The following SGPP2 variants were observed in gnomAD, a reference collection of about 807,000 sequenced individuals.
SGPP2 encodes the protein sphingosine-1-phosphate phosphatase 2, also known as sphingosine 1-phosphate phosphohydrolase 2.
In SGPP2, 30 loss-of-function variants were observed where a neutral mutation model predicts 33.9. The observed-to-expected ratio is 0.89, with a 90% CI of 0.66 to 1.20. The LOEUF (loss-of-function observed/expected upper bound fraction) is 1.20, where lower values mean the gene tolerates loss of function less well. Among genes scored for constraint, SGPP2 ranks in the 50% most tolerant of loss-of-function variants. The pLI is 0.00. For synonymous variants in SGPP2, 233 were observed against 225.0 expected, an observed-to-expected ratio of 1.04 and a Z score of -0.32; for missense variants, 458 against 532.1, an observed-to-expected ratio of 0.86 and a Z score of 1.37.
intron 4 of SGPP2, among the ~76,000 whole-genome samples, chr2:222,557,032 C>T (rs367578274): frequency 1.3e-5 from 2 of 152,034 alleles, no homozygotes; most frequent in African/African-American, 4.8e-5. Context: ...ATGTTGCTAC[C>T]CAGTGAGAGC....
intron 2 of SGPP2, among the ~76,000 whole-genome samples, chr2:222,510,578 T>C (rs997761224): frequency 2.6e-5 from 4 of 152,198 alleles, no homozygotes; most frequent in Non-Finnish European, 1.5e-5. Context: ...TGGAGGGGGC[T>C]ATGAGTGTAG....
At chr2:222,483,719 A>C (rs1037282722) in intron 2 of SGPP2, among the ~76,000 whole-genome samples, 1 of 152,196 alleles carries the variant, frequency 6.6e-6, no homozygotes, top group Non-Finnish European at 1.5e-5. Flanking sequence ...TAAAGACAAG[A>C]GGGAAAAAGC....
rs758281222 is a variant in SGPP2 at position 222,558,510 on chromosome 2, G to C, written c.812G>C (p.Ser271Thr). The C allele has an allele frequency of 9.3e-6, 15 of 1,614,058 alleles. No individual in the cohort carries two copies. ...AATTACCCTGTTTCTGATTACTACAGCCCAACCCGGGCGGACACCACCACC... is the reference window on the plus strand; with the variant it reads ...AATTACCCTGTTTCTGATTACTACACCCCAACCCGGGCGGACACCACCACC... ...CYNYPVSDYY[S>T]PTRADTTTIL... is the part of the protein sequence containing the mutation. Residue 271 changes from serine (S) to threonine (T), a missense_variant, in exon 5 of 5, where the codon AGC becomes ACC. By Grantham distance (58) the Ser-to-Thr change is moderately conservative. Transcript: ENST00000321276.
intron 4 of SGPP2, among the ~76,000 whole-genome samples, chr2:222,540,651 G>A (rs1698978651): frequency 6.6e-6 from 1 of 152,100 alleles, no homozygotes; most frequent in African/African-American, 2.4e-5. Context: ...TCTGTCATCT[G>A]TCAATAAATC....
chr2:222,503,518 T>C (rs1030986878), intron 2 of SGPP2, among the ~76,000 whole-genome samples: 3 of 152,216 alleles, frequency 2.0e-5, no homozygotes, highest in Admixed American at 1.3e-4. Flanking sequence ...AAGTCCCTGG[T>C]AATAATTGCT....
chr2:222,425,851 TGG>T (rs1174391568), intron 1 of SGPP2, among the ~76,000 whole-genome samples: 1 of 152,194 alleles, frequency 6.6e-6, no homozygotes, highest in African/African-American at 2.4e-5. Flanking sequence ...GGCTTCTGTG[TGG>T]AATGGAATAT....
intron 4 of SGPP2, among the ~76,000 whole-genome samples, chr2:222,537,894 T>G (rs1303272379): frequency 6.6e-6 from 1 of 152,228 alleles, no homozygotes; most frequent in Non-Finnish European, 1.5e-5. Flanking sequence ...TGTAGCAGCT[T>G]TATTCCTAAT....
chr2:222,479,288 A>G (rs1697993592), intron 2 of SGPP2, among the ~76,000 whole-genome samples: 1 of 150,596 alleles, frequency 6.6e-6, no homozygotes, highest in African/African-American at 2.5e-5. Context: ...TATTACAATG[A>G]TTTGCCCAAA....
chr2:222,542,657 T>C (rs895449178), intron 4 of SGPP2, among the ~76,000 whole-genome samples: 8 of 152,226 alleles, frequency 5.3e-5, no homozygotes, highest in African/African-American at 1.7e-4. Flanking sequence ...GACATTTAGC[T>C]TCATTTTGTA....
chr2:222,455,457 G>A lies in SGPP2; in HGVS notation c.220-19111G>A, dbSNP rs114839886. ...GCTCGAGTAAGAGGCAGTAAGCAAC[G>A]GCCAGAGTGGCTGGAACATAAAAAA... On this transcript the variant is annotated intron_variant, in intron 1 of 4. Coordinates refer to ENST00000321276, the MANE Select transcript of SGPP2 (RefSeq NM_152386.4). Among the ~76,000 whole-genome samples the A allele has an allele frequency of 1.2e-3, 183 of 152,256 alleles. 1 individual carries two copies. The highest frequency in any genetic ancestry group is 4.2e-3 in the African/African-American group (176 of 41,558).
intron 2 of SGPP2, among the ~76,000 whole-genome samples, chr2:222,513,990 C>G (rs1698567467): frequency 6.6e-6 from 1 of 152,108 alleles, no homozygotes; most frequent in South Asian, 2.1e-4. Flanking sequence ...GTGTCTGGCT[C>G]ACTAAATTTA....
intron 1 of SGPP2, among the ~76,000 whole-genome samples, chr2:222,444,720 C>T (rs546660807): frequency 1.3e-5 from 2 of 152,268 alleles, no homozygotes; most frequent in Non-Finnish European, 2.9e-5. Flanking sequence ...GCCTCCAAGA[C>T]GCCTGATAGA....
intron 1 of SGPP2, chr2:222,453,264 G>A: frequency 1.3e-6 from 1 of 757,354 alleles, no homozygotes; most frequent in East Asian, 2.5e-5. Flanking sequence ...TTGAAGCCAG[G>A]CAGGTTTGGG....
Position 222,561,077 on chromosome 2 carries a change from C to G in SGPP2, c.*2179C>G, listed in dbSNP as rs973370869. On this transcript the variant is annotated 3_prime_UTR_variant, in exon 5 of 5. Transcript: ENST00000321276. ...CCGAGATTGCGCCACTGCACTCCAG[C>G]CTGGGCGACAGAGCGAGACTCTCTC... 5 of 151,014 alleles carry G rather than the reference C, an allele frequency of 3.3e-5. No individual in the cohort carries two copies. The East Asian group carries it at 9.7e-4, about 29-fold the overall frequency. 9.4% of individuals were successfully genotyped at this position (151,014 alleles called of 1,614,324 possible).
chr2:222,485,308 A>AT, intron 2 of SGPP2, among the ~76,000 whole-genome samples: 1 of 152,204 alleles, frequency 6.6e-6, no homozygotes, highest in Non-Finnish European at 1.5e-5. Flanking sequence ...TATGTCACAG[A>AT]TTTTCTAGAT....
intron 4 of SGPP2, among the ~76,000 whole-genome samples, chr2:222,538,540 A>C (rs1698947580): frequency 6.6e-6 from 1 of 152,204 alleles, no homozygotes; most frequent in Non-Finnish European, 1.5e-5. Flanking sequence ...GAAAAAAGGG[A>C]TTCCTGAAGC....
chr2:222,500,302 G>T (rs1171897553), intron 2 of SGPP2, among the ~76,000 whole-genome samples: 1 of 152,142 alleles, frequency 6.6e-6, no homozygotes, highest in Non-Finnish European at 1.5e-5. Context: ...AGTCATGACG[G>T]TCTTGATTCT....
chr2:222,532,666 C>G (rs540854426), intron 4 of SGPP2, among the ~76,000 whole-genome samples: 3 of 152,226 alleles, frequency 2.0e-5, no homozygotes, highest in Non-Finnish European at 4.4e-5. Flanking sequence ...CGTTCTGGCT[C>G]TTAAATATGT....
intron 2 of SGPP2, among the ~76,000 whole-genome samples, chr2:222,486,696 A>G (rs1261428421): frequency 6.6e-6 from 1 of 152,180 alleles, no homozygotes; most frequent in Non-Finnish European, 1.5e-5. Context: ...AGGGGAGGAA[A>G]CCATGTGAGA....
Sources: gnomAD v4.1 joint callset for allele counts (sites outside exome capture counted in the v4.1 genomes callset) on GRCh38, gnomAD v4.1.1 for gene constraint, MANE v1.5 for transcripts, NCBI Gene and HGNC (gene_info 2026-07-23, HGNC 2026-07-21) for gene names.